The following GALNT7 variants were observed in gnomAD, a reference collection of about 807,000 sequenced individuals.
GALNT7 encodes N-acetylgalactosaminyltransferase 7.
GALNT7 carries 60 observed loss-of-function variants against 82.1 expected under a neutral mutation model. That is an observed-to-expected ratio of 0.73 (90% CI 0.59 to 0.91). The LOEUF (loss-of-function observed/expected upper bound fraction) is 0.91, where lower values mean the gene tolerates loss of function less well. GALNT7 is among the 40% of genes least tolerant of loss of function. The pLI is 0.00. For synonymous variants in GALNT7, 243 were observed against 275.1 expected (o/e 0.88, Z 1.15); for missense variants, 660 against 804.2 (o/e 0.82, Z 2.17).
intron 2 of GALNT7, among the ~76,000 whole-genome samples, chr4:173,262,314 G>C (rs1398058884): frequency 6.6e-6 from 1 of 152,174 alleles, no homozygotes; most frequent in African/African-American, 2.4e-5. Context: ...ACTGTTTCTA[G>C]TCTGTCTTGC....
At chr4:173,249,168 C>G (rs1057007705) in intron 2 of GALNT7, among the ~76,000 whole-genome samples, 5 of 152,164 alleles carry the variant, frequency 3.3e-5, no homozygotes, top group African/African-American at 1.2e-4. Flanking sequence ...ATCTACATAG[C>G]TTTCATTAAT....
chr4:173,277,882 G>C (rs1383087104), intron 2 of GALNT7, among the ~76,000 whole-genome samples: 3 of 152,170 alleles, frequency 2.0e-5, no homozygotes, highest in African/African-American at 7.2e-5. Flanking sequence ...GACATCTTAA[G>C]AGTGCACTAG....
chr4:173,272,553 C>T (rs1735766613), intron 2 of GALNT7, among the ~76,000 whole-genome samples: 1 of 152,164 alleles, frequency 6.6e-6, no homozygotes, highest in South Asian at 2.1e-4. Context: ...CTCTTCGTGA[C>T]TCACTCGCCT....
intron 6 of GALNT7, among the ~76,000 whole-genome samples, chr4:173,299,713 G>T (rs1736847044): frequency 6.6e-6 from 1 of 152,120 alleles, no homozygotes; most frequent in African/African-American, 2.4e-5. Context: ...GGGCGTGGTG[G>T]TGTGTGCCTG....
intron 2 of GALNT7, among the ~76,000 whole-genome samples, chr4:173,283,227 T>C (rs1736180268): frequency 6.6e-6 from 1 of 152,228 alleles, no homozygotes; most frequent in Non-Finnish European, 1.5e-5. Flanking sequence ...GTTTGCAAAA[T>C]AGACTTTAGT....
chr4:173,185,708 C>G (rs895556554), intron 1 of GALNT7, among the ~76,000 whole-genome samples: 1 of 152,070 alleles, frequency 6.6e-6, no homozygotes, highest in Non-Finnish European at 1.5e-5. Context: ...ATCTGTGCTG[C>G]TGGGAAAGTG....
intron 2 of GALNT7, among the ~76,000 whole-genome samples, chr4:173,262,355 T>A (rs1447726219): frequency 6.6e-6 from 1 of 152,236 alleles, no homozygotes; most frequent in Admixed American, 6.5e-5. Context: ...CATTGTATGA[T>A]GCTGTAATAT....
intron 1 of GALNT7, among the ~76,000 whole-genome samples, chr4:173,187,851 C>T (rs1300490043): frequency 1.3e-5 from 2 of 152,102 alleles, no homozygotes; most frequent in Admixed American, 1.3e-4. Flanking sequence ...TTTTCTTTCT[C>T]CTGATGCAAC....
chr4:173,186,026 G>A (rs1352751479), intron 1 of GALNT7, among the ~76,000 whole-genome samples: 2 of 152,156 alleles, frequency 1.3e-5, no homozygotes, highest in Non-Finnish European at 2.9e-5. Context: ...TTAAGGTGTA[G>A]GAAGAAGATA....
chr4:173,306,417 G>A (rs1057463868), intron 8 of GALNT7, among the ~76,000 whole-genome samples: 1 of 152,194 alleles, frequency 6.6e-6, no homozygotes. Flanking sequence ...AATAGAAGTG[G>A]GGAGAGTGGG....
At chr4:173,183,811 G>A (rs900222814) in intron 1 of GALNT7, among the ~76,000 whole-genome samples, 18 of 151,300 alleles carry the variant, frequency 1.2e-4, no homozygotes, top group Non-Finnish European at 1.9e-4. Context: ...GGCGCGGCTG[G>A]CCGGGCGGGG....
intron 1 of GALNT7, among the ~76,000 whole-genome samples, chr4:173,178,376 AT>A (rs1395899964): frequency 6.6e-6 from 1 of 152,184 alleles, no homozygotes; most frequent in African/African-American, 2.4e-5. Context: ...GTTTTTAAAA[AT>A]GAGGTTTATC....
intron 1 of GALNT7, among the ~76,000 whole-genome samples, chr4:173,187,418 G>C (rs1056191802): frequency 2.0e-5 from 3 of 149,598 alleles, no homozygotes; most frequent in Non-Finnish European, 1.5e-5. Flanking sequence ...GGGAATTACA[G>C]ATCTGAAATT....
chr4:173,176,077 A>G (rs1012096199), intron 1 of GALNT7, among the ~76,000 whole-genome samples: 1 of 152,202 alleles, frequency 6.6e-6, no homozygotes, highest in African/African-American at 2.4e-5. Flanking sequence ...CATCTCAAAA[A>G]AAAAAAATTA....
intron 1 of GALNT7, among the ~76,000 whole-genome samples, chr4:173,176,777 G>C (rs1561141614): frequency 6.6e-6 from 1 of 152,162 alleles, no homozygotes; most frequent in Non-Finnish European, 1.5e-5. Context: ...GCTGAAAATT[G>C]GGTTGGAGAG....
At chr4:173,193,367 A>C (rs1417401950) in intron 1 of GALNT7, among the ~76,000 whole-genome samples, 2 of 152,206 alleles carry the variant, frequency 1.3e-5, no homozygotes. Flanking sequence ...ATTTACTATT[A>C]TGGAAAATTC....
chr4:173,295,592 T>A, intron 4 of GALNT7, 66 bp downstream of exon 4: 3 of 1,470,572 alleles, frequency 2.0e-6, no homozygotes, highest in Non-Finnish European at 2.8e-6. Context: ...TACACATTTT[T>A]AATCATTCTT....
intron 1 of GALNT7, among the ~76,000 whole-genome samples, chr4:173,173,392 G>A (rs1731939985): frequency 6.6e-6 from 1 of 152,086 alleles, no homozygotes. Flanking sequence ...TTAGCCCTGA[G>A]TGACTGTCTA....
chr4:173,200,783 T>C (rs902931760), intron 1 of GALNT7, among the ~76,000 whole-genome samples: 1 of 152,234 alleles, frequency 6.6e-6, no homozygotes, highest in African/African-American at 2.4e-5. Context: ...CCTGAAATCT[T>C]ACATTGTAGA....
Sources: allele counts gnomAD v4.1 joint callset (sites outside exome capture counted in the v4.1 genomes callset), GRCh38; gene constraint gnomAD v4.1.1; transcripts MANE v1.5; gene names NCBI Gene and HGNC (gene_info 2026-07-23, HGNC 2026-07-21).